The following DNAH14 variants were observed in gnomAD, a reference collection of about 807,000 sequenced individuals.
The protein encoded by DNAH14 is axonemal beta dynein heavy chain 14.
A neutral mutation model predicts 520.9 loss-of-function variants in DNAH14; 478 were observed. The ratio of observed to expected loss-of-function variants is 0.92; its 90% confidence interval spans 0.85 to 0.99. The LOEUF is 0.99. Ranked by LOEUF, DNAH14 falls within the 50% of genes least tolerant of loss-of-function variation. DNAH14 has a pLI of 0.00. For synonymous variants in DNAH14, 1,581 were observed against 1,757.2 expected (o/e 0.90, Z 2.51); for missense variants, 4,831 against 5,234.5 (o/e 0.92, Z 2.38).
rs771611472 is a variant in DNAH14 at position 224,960,282 on chromosome 1, C to T, written c.347C>T (p.Pro116Leu). 6.2e-7 allele frequency: 1 copy of T among 1,606,656 alleles called. No homozygotes were observed. Among genetic ancestry groups the T allele is most frequent in the Non-Finnish European group, 8.5e-7 (1 of 1,177,112 alleles). Residue 116 changes from proline to leucine, a missense_variant, in exon 4 of 86, where the codon CCT becomes CTT. Physicochemically the swap from Pro to Leu is moderately conservative, Grantham distance 98 (BLOSUM62 -3). Coordinates refer to ENST00000682510, the MANE Select transcript of DNAH14 (RefSeq NM_001367479.1). ...HACPNVRKARPVSYDRTEPKD... is the reference protein window; with the variant it reads ...HACPNVRKARLVSYDRTEPKD... The stretch of plus-strand genomic sequence containing the variant: ...TGTCCAAATGTTAGGAAAGCCAGGC[C>T]TGTGTCCTATGATAGAACAGGTATG...
chr1:225,202,736 A>C (rs2087021442), intron 38 of DNAH14, among the ~76,000 whole-genome samples: 1 of 152,088 alleles, frequency 6.6e-6, no homozygotes. Flanking sequence ...AATTGTTACA[A>C]AGTTGAGCTA....
intron 49 of DNAH14, among the ~76,000 whole-genome samples, 166 bp from the exon 50 acceptor site, chr1:225,270,569 T>C (rs901553134): frequency 1.3e-5 from 2 of 152,248 alleles, no homozygotes; most frequent in Admixed American, 1.3e-4. Context: ...ATTTCTAAGA[T>C]AGATTTCTAT....
intron 47 of DNAH14, among the ~76,000 whole-genome samples, chr1:225,264,532 C>G (rs546599163): frequency 2.7e-4 from 41 of 152,176 alleles, no homozygotes; most frequent in African/African-American, 9.9e-4. Flanking sequence ...TAGACTAAGT[C>G]TAGAAGTAAC....
At chr1:224,983,874 T>C (rs2062441202) in intron 8 of DNAH14, among the ~76,000 whole-genome samples, 1 of 152,034 alleles carries the variant, frequency 6.6e-6, no homozygotes, top group East Asian at 1.9e-4. Context: ...TACAAAACAC[T>C]GCTAAAAGAA....
intron 54 of DNAH14, among the ~76,000 whole-genome samples, chr1:225,278,071 T>A (rs1487514134): frequency 6.6e-6 from 1 of 152,056 alleles, no homozygotes; most frequent in Non-Finnish European, 1.5e-5. Flanking sequence ...GAATTTTTTT[T>A]ATTCAGAACA....
At chr1:225,078,778 CTCT>C in intron 17 of DNAH14, among the ~76,000 whole-genome samples, 1 of 27,842 alleles carries the variant, frequency 3.6e-5, no homozygotes, top group African/African-American at 8.1e-5. Flanking sequence ...ATCTCTCTCT[CTCT>C]CTCTCTCTCT....
chr1:225,034,788 T>C (rs535855700), intron 11 of DNAH14, among the ~76,000 whole-genome samples: 1 of 152,310 alleles, frequency 6.6e-6, no homozygotes, highest in East Asian at 1.9e-4. Context: ...AATTTCTTCC[T>C]GGCTCAGTCT....
In DNAH14 at chr1:225,080,739, C is replaced by G; in HGVS notation, c.3127C>G (p.Leu1043Val). 6.6e-7 allele frequency: 1 copy of G among 1,510,318 alleles called. No homozygotes were observed. The highest frequency in any genetic ancestry group is 1.3e-5 in the South Asian group (1 of 76,152). The allele number at this position is 1,510,318 out of a possible 1,614,324, so 93.6% of individuals were successfully genotyped here. A position where few individuals can be genotyped will look rare whatever the true frequency, so the allele number is the denominator to read the frequency against. ...VSKLMHIISV[L>V]EKGLPKSDMV... ...AAAACTGATGCACATAATCTCGGTA[C>G]TAGAAAAAGGTAAAAATGTGTTTCT... Residue 1043 changes from leucine to valine, a missense_variant, in exon 19 of 86, where the codon CTA (leucine) becomes GTA (valine). Physicochemically the swap from Leu to Val is conservative, Grantham distance 32. Coordinates refer to ENST00000682510, the MANE Select transcript of DNAH14 (RefSeq NM_001367479.1).
At chr1:225,089,464 A>AAAAAAAAAAG (rs775049047) in intron 21 of DNAH14, among the ~76,000 whole-genome samples, 34 of 138,418 alleles carry the variant, frequency 2.5e-4, no homozygotes, top group East Asian at 8.0e-4. Context: ...AAAAAAAAAA[A>AAAAAAAAAAG]AGAGAGCGAG....
chr1:225,100,646 T>G lies in DNAH14; in HGVS notation c.3696-67T>G, dbSNP rs942847479. On this transcript the variant is annotated intron_variant, in intron 22 of 85. Coordinates refer to ENST00000682510, the MANE Select transcript of DNAH14 (RefSeq NM_001367479.1). The stretch of plus-strand genomic sequence containing the variant: ...TCAAACAGTATTCCGTGGCAATGCA[T>G]TACATTATAGATTTTAATCATAGTG... The G allele has an allele frequency of 1.1e-5, 14 of 1,227,718 alleles. No homozygotes were observed. The Admixed American group carries it at 4.5e-4, about 40-fold the overall frequency. The allele number at this position is 1,227,718 out of a possible 1,614,324, so 76.1% of individuals were successfully genotyped here.
chr1:225,352,225 A>C (rs1394079022), intron 72 of DNAH14, among the ~76,000 whole-genome samples: 1 of 152,158 alleles, frequency 6.6e-6, no homozygotes, highest in Non-Finnish European at 1.5e-5. Flanking sequence ...ATTACATGGG[A>C]AAGGATCTTA....
At chr1:225,360,610 C>G in intron 74 of DNAH14, 71 bp from the exon 75 acceptor site, 1 of 1,331,476 alleles carries the variant, frequency 7.5e-7, no homozygotes, top group Non-Finnish European at 1.0e-6. Context: ...TCAATAAATG[C>G]TGGATTGTGA....
intron 27 of DNAH14, among the ~76,000 whole-genome samples, chr1:225,133,331 A>T (rs2078627180): frequency 6.6e-6 from 1 of 151,554 alleles, no homozygotes; most frequent in African/African-American, 2.4e-5. Context: ...TATTGCCTAG[A>T]TTTTCTTCTA....
chr1:225,307,343 T>A lies in DNAH14; in HGVS notation c.9006-118T>A, dbSNP rs1041744570. 18 of 704,462 alleles carry A rather than the reference T, an allele frequency of 2.6e-5. No individual in the cohort carries two copies. The African/African-American group carries it at 2.8e-4, about 11-fold the overall frequency. The allele number at this position is 704,462 out of a possible 1,614,324, so 43.6% of individuals were successfully genotyped here. On this transcript the variant is annotated intron_variant, in intron 58 of 85. Coordinates refer to ENST00000682510, the MANE Select transcript of DNAH14 (RefSeq NM_001367479.1). The stretch of plus-strand genomic sequence containing the variant: ...TTTCAAATAGTGAGCCAGTCTTGCA[T>A]CTCTAGAATAAAATCCATTTGGCCA...
chr1:225,322,478 T>C (rs2094576205), intron 61 of DNAH14, among the ~76,000 whole-genome samples, 186 bp from the exon 62 acceptor site: 1 of 152,232 alleles, frequency 6.6e-6, no homozygotes, highest in South Asian at 2.1e-4. Context: ...AAAACTATAA[T>C]ATCCTTATAT....
chr1:225,008,575 C>CTTTTTTTT (rs57331050), intron 10 of DNAH14, among the ~76,000 whole-genome samples: 829 of 98,254 alleles, frequency 8.4e-3, no homozygotes, highest in African/African-American at 0.022. Context: ...TTTTTCCTGA[C>CTTTTTTTT]TTTTTTTTTT....
intron 76 of DNAH14, among the ~76,000 whole-genome samples, chr1:225,365,171 T>C (rs923570843): frequency 6.6e-6 from 1 of 152,210 alleles, no homozygotes; most frequent in Non-Finnish European, 1.5e-5. Flanking sequence ...TTTGTGTTGT[T>C]TTCCTGCCCT....
chr1:225,082,425 A>C (rs766870209), intron 19 of DNAH14, 124 bp from the exon 20 acceptor site: 121 of 675,384 alleles, frequency 1.8e-4, no homozygotes, highest in Non-Finnish European at 2.7e-4. Flanking sequence ...ATTTTAATGT[A>C]GTTTAATAAT....
intron 40 of DNAH14, 132 bp from the exon 41 acceptor site, chr1:225,206,836 C>A: frequency 1.3e-6 from 1 of 775,186 alleles, no homozygotes; most frequent in Non-Finnish European, 1.9e-6. Flanking sequence ...TGATCATTTG[C>A]CCTTTAATGA....
Sources: allele counts gnomAD v4.1 joint callset (sites outside exome capture counted in the v4.1 genomes callset), GRCh38; gene constraint gnomAD v4.1.1; transcripts MANE v1.5; gene names NCBI Gene and HGNC (gene_info 2026-07-23, HGNC 2026-07-21).